Variants in SNTG1 observed in about 807,000 individuals in gnomAD.
SNTG1 encodes the protein gamma-1-syntrophin.
A neutral mutation model predicts 74.7 loss-of-function variants in SNTG1; 39 were observed. That is an observed-to-expected ratio of 0.52 (90% CI 0.40 to 0.68). The LOEUF (loss-of-function observed/expected upper bound fraction) is 0.68, where lower values mean the gene tolerates loss of function less well. SNTG1 is among the 30% of genes least tolerant of loss of function. The probability of loss-of-function intolerance (pLI) is 0.00; values close to 1 mark genes in which losing one functional copy is unlikely to be tolerated. For missense variants in SNTG1, 685 were observed against 609.5 expected (o/e 1.12, Z -1.30); for synonymous variants, 254 against 217.1 (o/e 1.17, Z -1.49).
At chr8:50,683,754 C>T (rs1056785878) in intron 15 of SNTG1, among the ~76,000 whole-genome samples, 4 of 152,154 alleles carry the variant, frequency 2.6e-5, no homozygotes, top group Non-Finnish European at 4.4e-5. Context: ...GAATAAGTTG[C>T]AGTGGAGGGA....
intron 2 of SNTG1, among the ~76,000 whole-genome samples, chr8:50,326,597 G>T (rs1362624199): frequency 6.7e-6 from 1 of 149,844 alleles, no homozygotes; most frequent in Non-Finnish European, 1.5e-5. Flanking sequence ...TTTATTCCTA[G>T]TTAGCCTAGC....
chr8:50,355,385 T>G (rs1291352834), intron 2 of SNTG1, among the ~76,000 whole-genome samples: 1 of 152,170 alleles, frequency 6.6e-6, no homozygotes, highest in Non-Finnish European at 1.5e-5. Flanking sequence ...AAATAGAAAA[T>G]TGAGATTTGT....
intron 1 of SNTG1, among the ~76,000 whole-genome samples, chr8:49,944,194 A>C (rs1808949880): frequency 6.6e-6 from 1 of 152,094 alleles, no homozygotes; most frequent in Non-Finnish European, 1.5e-5. Flanking sequence ...CACCCATTTC[A>C]CAACTCTCAC....
chr8:49,965,536 C>T (rs558110335), intron 1 of SNTG1, among the ~76,000 whole-genome samples: 1 of 152,074 alleles, frequency 6.6e-6, no homozygotes, highest in Admixed American at 6.6e-5. Context: ...TCAAGAGAAT[C>T]CTGCTCTGGA....
intron 1 of SNTG1, among the ~76,000 whole-genome samples, chr8:49,964,292 G>A (rs1275543524): frequency 6.6e-6 from 1 of 152,190 alleles, no homozygotes; most frequent in African/African-American, 2.4e-5. Flanking sequence ...GCCACATACT[G>A]CCTTCAGGCT....
intron 1 of SNTG1, among the ~76,000 whole-genome samples, chr8:50,008,158 T>G (rs1563463398): frequency 6.6e-6 from 1 of 152,124 alleles, no homozygotes. Context: ...AAAACCCACA[T>G]GTTTCTATGT....
chr8:50,293,254 G>A (rs1019595231), intron 2 of SNTG1, among the ~76,000 whole-genome samples: 1 of 152,034 alleles, frequency 6.6e-6, no homozygotes. Context: ...GTGTTGGCAG[G>A]GTTGGTTCCT....
At chr8:50,177,551 T>G (rs1451696642) in intron 2 of SNTG1, among the ~76,000 whole-genome samples, 1 of 152,044 alleles carries the variant, frequency 6.6e-6, no homozygotes, top group African/African-American at 2.4e-5. Flanking sequence ...GAGACCCTGG[T>G]TTGCTCAGAG....
intron 15 of SNTG1, among the ~76,000 whole-genome samples, chr8:50,680,136 C>T (rs2095325267): frequency 6.6e-6 from 1 of 152,174 alleles, no homozygotes; most frequent in Non-Finnish European, 1.5e-5. Context: ...ATTCCTAAAA[C>T]TTGCTGAATC....
intron 1 of SNTG1, among the ~76,000 whole-genome samples, chr8:50,067,809 ATGCAG>A (rs1275859777): frequency 6.6e-6 from 1 of 152,138 alleles, no homozygotes; most frequent in Admixed American, 6.5e-5. Context: ...ACCTGGAATG[ATGCAG>A]TGCACACAGA....
intron 2 of SNTG1, among the ~76,000 whole-genome samples, chr8:50,278,897 A>C (rs1405571365): frequency 6.6e-6 from 1 of 152,168 alleles, no homozygotes; most frequent in African/African-American, 2.4e-5. Context: ...ATTTACTGCT[A>C]TATAAATTTC....
chr8:50,557,559 A>C (rs2094463620), intron 12 of SNTG1, among the ~76,000 whole-genome samples: 1 of 152,154 alleles, frequency 6.6e-6, no homozygotes, highest in Non-Finnish European at 1.5e-5. Flanking sequence ...GGCTGCCAGC[A>C]TTCCCTGGCT....
At chr8:50,100,025 A>G (rs1051394049) in intron 1 of SNTG1, among the ~76,000 whole-genome samples, 1 of 152,036 alleles carries the variant, frequency 6.6e-6, no homozygotes, top group Non-Finnish European at 1.5e-5. Flanking sequence ...GTGTTCATCA[A>G]TAGATGACGG....
chr8:50,704,250 C>T (rs1157594773), intron 15 of SNTG1, among the ~76,000 whole-genome samples: 6 of 152,084 alleles, frequency 3.9e-5, no homozygotes, highest in African/African-American at 1.4e-4. Flanking sequence ...TATTTAATTT[C>T]AACATCATAA....
At chr8:50,176,791 T>C (rs1284556155) in intron 2 of SNTG1, among the ~76,000 whole-genome samples, 2 of 152,206 alleles carry the variant, frequency 1.3e-5, no homozygotes, top group African/African-American at 2.4e-5. Flanking sequence ...AAGACTCTCT[T>C]AGTTGAGAAA....
At chr8:50,181,448 T>G (rs1275608467) in intron 2 of SNTG1, among the ~76,000 whole-genome samples, 2 of 152,216 alleles carry the variant, frequency 1.3e-5, no homozygotes, top group Admixed American at 1.3e-4. Context: ...AGCACGTGCA[T>G]CAGTCCTACC....
chr8:50,180,680 C>T (rs2083169509), intron 2 of SNTG1, among the ~76,000 whole-genome samples: 1 of 150,404 alleles, frequency 6.6e-6, no homozygotes, highest in Non-Finnish European at 1.5e-5. Context: ...CCTAATTATT[C>T]CTTTTCTATC....
At chr8:50,633,790 C>G (rs1160849312) in intron 13 of SNTG1, among the ~76,000 whole-genome samples, 2 of 152,040 alleles carry the variant, frequency 1.3e-5, no homozygotes, top group African/African-American at 2.4e-5. Context: ...GTGAGGAGTG[C>G]CAGTATTTAA....
At chr8:50,112,768 TA>T (rs1328613299) in intron 1 of SNTG1, among the ~76,000 whole-genome samples, 1 of 151,958 alleles carries the variant, frequency 6.6e-6, no homozygotes, top group African/African-American at 2.4e-5. Context: ...TTCGGCCTCC[TA>T]AAGTGCTGGG....
Sources: allele counts gnomAD v4.1 joint callset (sites outside exome capture counted in the v4.1 genomes callset), GRCh38; gene constraint gnomAD v4.1.1; transcripts MANE v1.5; gene names NCBI Gene and HGNC (gene_info 2026-07-23, HGNC 2026-07-21).